The following BEGAIN variants were observed in gnomAD, a reference collection of about 807,000 sequenced individuals.
The protein encoded by BEGAIN is brain enriched guanylate kinase associated.
Under a neutral mutation model 35.8 loss-of-function variants are expected in BEGAIN, and 19 were observed. The ratio of observed to expected loss-of-function variants is 0.53; its 90% CI spans 0.37 to 0.78. The LOEUF (loss-of-function observed/expected upper bound fraction) is 0.78, where lower values mean the gene tolerates loss of function less well. BEGAIN is among the 30% of genes least tolerant of loss of function. BEGAIN has a pLI of 0.00. For synonymous variants in BEGAIN, 462 were observed against 388.6 expected, an observed-to-expected ratio of 1.19 and a Z score of -2.22; for missense variants, 795 against 853.6, an observed-to-expected ratio of 0.93 and a Z score of 0.85.
chr14:100,537,875 G>T lies in BEGAIN; in HGVS notation c.*94C>A. 6.8e-7 allele frequency: 1 copy of T among 1,460,384 alleles called. No individual in the cohort carries two copies. Among genetic ancestry groups the T allele is most frequent in the South Asian group, 1.4e-5 (1 of 72,594 alleles). 90.5% of individuals were successfully genotyped at this position (1,460,384 alleles called of 1,614,324 possible). ...GACTCCTCGTTGTTGGCCGGGGCAG[G>T]GGAACAGCGGGGGCTGGGGAGAGGT... On this transcript the variant is annotated 3_prime_UTR_variant, in exon 7 of 7. Transcript: ENST00000554140.
At chr14:100,540,645 G>T in intron 5 of BEGAIN, 66 bp from the exon 6 acceptor site, 1 of 1,262,064 alleles carries the variant, frequency 7.9e-7, no homozygotes. Context: ...CCTGACCAGC[G>T]CCAAGTGGCC....
rs545898482 is a variant in BEGAIN at position 100,580,103 on chromosome 14, G to A, written c.42+7146C>T. Among the ~76,000 whole-genome samples, 8 of 152,252 alleles carry A rather than the reference G, an allele frequency of 5.3e-5. No homozygotes were observed. In the East Asian group the frequency reaches 1.4e-3, roughly 26 times the overall value. ...GCGGATCACCTGAGGTCAGGAGTTC[G>A]AGACTAGCCTAACCAACATGGTGAA... On this transcript the variant is annotated intron_variant, in intron 1 of 6. Coordinates refer to ENST00000554140, the MANE Select transcript of BEGAIN (RefSeq NM_001385089.1).
intron 1 of BEGAIN, among the ~76,000 whole-genome samples, chr14:100,574,081 G>A (rs1433450206): frequency 1.3e-5 from 2 of 152,296 alleles, no homozygotes; most frequent in Middle Eastern, 3.4e-3. Context: ...CCTGGGCCTC[G>A]TGAACCCCAG....
chr14:100,582,549 C>T (rs909115274), intron 1 of BEGAIN, among the ~76,000 whole-genome samples: 4 of 152,228 alleles, frequency 2.6e-5, no homozygotes, highest in East Asian at 1.9e-4. Context: ...GGATTTTCCA[C>T]GCTGGCCTCA....
intron 3 of BEGAIN, 108 bp from the exon 4 acceptor site, chr14:100,545,174 A>G: frequency 1.9e-6 from 3 of 1,575,020 alleles, no homozygotes; most frequent in Non-Finnish European, 2.6e-6. Flanking sequence ...GGACCTCCTG[A>G]GCTCACCCCA....
chr14:100,577,975 C>T (rs1186316848), intron 1 of BEGAIN: 9 of 399,162 alleles, frequency 2.3e-5, no homozygotes, highest in East Asian at 3.6e-5. Context: ...GTCCAAGGTC[C>T]GGGCTCCCCA....
intron 1 of BEGAIN, among the ~76,000 whole-genome samples, chr14:100,578,352 C>T (rs780249432): frequency 6.6e-6 from 1 of 152,248 alleles, no homozygotes; most frequent in African/African-American, 2.4e-5. Flanking sequence ...AGGCAGTGGA[C>T]AGATGGCCAC....
intron 1 of BEGAIN, among the ~76,000 whole-genome samples, chr14:100,578,296 C>T (rs2035246486): frequency 6.6e-6 from 1 of 152,266 alleles, no homozygotes; most frequent in South Asian, 2.1e-4. Flanking sequence ...CCTACTCTCA[C>T]ATCTCCTCTG....
chr14:100,558,566 T>C lies in BEGAIN; in HGVS notation c.71+9345A>G, dbSNP rs535263374. ...CCACATTGGCTGCTCCCCAACTCCATTGCCTCACCTTTGTCTCATGGGCAG... is the reference window on the plus strand; with the variant it reads ...CCACATTGGCTGCTCCCCAACTCCACTGCCTCACCTTTGTCTCATGGGCAG... On this transcript the variant is annotated intron_variant, in intron 2 of 6. Coordinates refer to ENST00000554140, the MANE Select transcript of BEGAIN (RefSeq NM_001385089.1). This position sits in a 1 kb window ranked among gnomAD's most constrained non-coding sequence, Gnocchi z 4.6. Among the ~76,000 whole-genome samples, 9 of 152,244 alleles carry C rather than the reference T, an allele frequency of 5.9e-5. No homozygotes were observed. The South Asian group carries it at 1.0e-3, about 18-fold the overall frequency.
chr14:100,550,836 C>G (rs981871954), intron 2 of BEGAIN, among the ~76,000 whole-genome samples: 1 of 152,182 alleles, frequency 6.6e-6, no homozygotes, highest in Non-Finnish European at 1.5e-5. Context: ...GCATCCTGTC[C>G]CATCACTGGG....
chr14:100,561,751 A>G (rs1271940212), intron 2 of BEGAIN, among the ~76,000 whole-genome samples: 2 of 151,912 alleles, frequency 1.3e-5, no homozygotes, highest in Non-Finnish European at 2.9e-5. Flanking sequence ...CCACATAGCC[A>G]GTAAGTGATG....
At chr14:100,564,699 C>G (rs12436130) in intron 2 of BEGAIN, among the ~76,000 whole-genome samples, 1 of 152,016 alleles carries the variant, frequency 6.6e-6, no homozygotes, top group African/African-American at 2.4e-5. Context: ...TGTGGCCCCC[C>G]GGCCTGTGGG....
chr14:100,565,681 C>G (rs2034628588), intron 2 of BEGAIN, among the ~76,000 whole-genome samples: 1 of 152,092 alleles, frequency 6.6e-6, no homozygotes, highest in Non-Finnish European at 1.5e-5. Flanking sequence ...TTCAGGACCC[C>G]TTCACTGTGA....
chr14:100,538,425 G>A lies in BEGAIN; in HGVS notation c.1383C>T (p.Cys461=). ...CGCCGTAGTAGCGTTCAGAGAAGCT[G>A]CAGGGTGAGGCGCGGCCGGCAGCGC... The part of the protein sequence containing the change: ...PVSAAGRASP[C]SFSERYYGGA... The change falls in exon 7 of 7, where the codon TGC becomes TGT. Residue 461 remains cysteine (C), a synonymous_variant. Coordinates refer to ENST00000554140, the MANE Select transcript of BEGAIN (RefSeq NM_001385089.1). The A allele has an allele frequency of 6.3e-7, 1 of 1,585,758 alleles. No individual in the cohort carries two copies. The highest frequency in any genetic ancestry group is 8.6e-7 in the Non-Finnish European group (1 of 1,169,002).
chr14:100,545,285 A>G, intron 3 of BEGAIN: 4 of 1,393,502 alleles, frequency 2.9e-6, no homozygotes, highest in Admixed American at 3.0e-5. Context: ...AGGGCCCAGG[A>G]CTGTATTTCC....
chr14:100,557,946 C>G (rs913203276), intron 2 of BEGAIN, among the ~76,000 whole-genome samples: 1 of 152,130 alleles, frequency 6.6e-6, no homozygotes, highest in Non-Finnish European at 1.5e-5. Context: ...AGCATCTGCC[C>G]CGACACCCGG....
rs1019777910 is a variant in BEGAIN, at chr14:100,569,046, A to G, written c.43-1107T>C. 1.0e-5 allele frequency: 7 copies of G among 692,050 alleles called. No homozygotes were observed. The African/African-American group carries it at 1.4e-4, about 13-fold the overall frequency. The allele number at this position is 692,050 out of a possible 1,614,324, so 42.9% of individuals were successfully genotyped here. On this transcript the variant is annotated intron_variant, in intron 1 of 6. Transcript: ENST00000554140. Reference sequence around the variant, plus strand: ...AGGGCGCAGCCCGGCCGCAGCGCCAAGCTAGAAGGCCCGGCCCCGGGGCCT... The same window carrying G: ...AGGGCGCAGCCCGGCCGCAGCGCCAGGCTAGAAGGCCCGGCCCCGGGGCCT...
intron 2 of BEGAIN, among the ~76,000 whole-genome samples, chr14:100,554,854 C>T (rs929453253): frequency 3.3e-5 from 5 of 152,264 alleles, no homozygotes; most frequent in African/African-American, 9.6e-5. Flanking sequence ...AGGGACCCGC[C>T]ACAGCCCCAG....
rs1033480689 is a variant in BEGAIN at position 100,586,981 on chromosome 14, G to A, written c.42+268C>T. On this transcript the variant is annotated intron_variant, in intron 1 of 6. Transcript: ENST00000554140. This position sits in a 1 kb window ranked among gnomAD's most constrained non-coding sequence, Gnocchi z 4.9. The stretch of plus-strand genomic sequence containing the variant: ...CAGGGGCGCGCGTGTCAGGGCGCAA[G>A]GACCCCGCGATAGGACCCGGGCGCT... Among the ~76,000 whole-genome samples, 8 of 151,968 alleles carry A rather than the reference G, an allele frequency of 5.3e-5. No homozygotes were observed. The highest frequency in any genetic ancestry group is 7.4e-5 in the Non-Finnish European group (5 of 67,900).
Sources: allele counts gnomAD v4.1 joint callset (sites outside exome capture counted in the v4.1 genomes callset), GRCh38; gene constraint gnomAD v4.1.1; non-coding constraint Gnocchi (gnomAD v3.1); transcripts MANE v1.5; gene names NCBI Gene and HGNC (gene_info 2026-07-23, HGNC 2026-07-21).